The following UST variants were observed in gnomAD, a reference collection of about 807,000 sequenced individuals.
UST encodes chondroitin sulfate 2-O-sulfotransferase.
A neutral mutation model predicts 45.6 loss-of-function variants in UST; 21 were observed. The ratio of observed to expected loss-of-function variants is 0.46; its 90% CI spans 0.33 to 0.66. The LOEUF (loss-of-function observed/expected upper bound fraction) is 0.66, where lower values mean the gene tolerates loss of function less well. UST is among the 30% of genes least tolerant of loss of function. The probability of loss-of-function intolerance (pLI) is 0.02; values close to 1 mark genes in which losing one functional copy is unlikely to be tolerated. For synonymous variants in UST, 215 were observed against 200.6 expected, an observed-to-expected ratio of 1.07 and a Z score of -0.61; for missense variants, 463 against 512.4, an observed-to-expected ratio of 0.90 and a Z score of 0.93.
intron 7 of UST, among the ~76,000 whole-genome samples, chr6:149,038,133 C>G (rs1776262843): frequency 6.6e-6 from 1 of 152,042 alleles, no homozygotes; most frequent in African/African-American, 2.4e-5. Flanking sequence ...AGCGCTTTTA[C>G]AGTTAGCAAA....
intron 2 of UST, among the ~76,000 whole-genome samples, chr6:148,912,203 T>C (rs973140392): frequency 1.1e-4 from 17 of 151,134 alleles, no homozygotes; most frequent in Non-Finnish European, 2.5e-4. Context: ...TTTCAAAACA[T>C]AAAATAAAAT....
At chr6:148,879,110 G>GGATAAGC (rs1778777691) in intron 1 of UST, among the ~76,000 whole-genome samples, 1 of 152,092 alleles carries the variant, frequency 6.6e-6, no homozygotes, top group Non-Finnish European at 1.5e-5. Flanking sequence ...ATGGTTTAGG[G>GGATAAGC]GATAAGCTCT....
chr6:149,071,206 C>T (rs771835882), intron 7 of UST, among the ~76,000 whole-genome samples: 1 of 152,124 alleles, frequency 6.6e-6, no homozygotes, highest in Non-Finnish European at 1.5e-5. Flanking sequence ...TCCCCCACTA[C>T]CCTTCTTAGC....
chr6:148,935,464 T>C (rs1321306931), intron 2 of UST, among the ~76,000 whole-genome samples: 1 of 152,156 alleles, frequency 6.6e-6, no homozygotes, highest in African/African-American at 2.4e-5. Flanking sequence ...AATAGGAACA[T>C]TAAAGTAGAG....
intron 4 of UST, among the ~76,000 whole-genome samples, chr6:148,963,404 C>A (rs1349878171): frequency 6.6e-6 from 1 of 152,150 alleles, no homozygotes; most frequent in African/African-American, 2.4e-5. Context: ...CTCCTCAAGG[C>A]TACTGCTTTC....
At chr6:148,965,882 T>G (rs1780784319) in intron 5 of UST, among the ~76,000 whole-genome samples, 1 of 64,190 alleles carries the variant, frequency 1.6e-5, no homozygotes, top group Non-Finnish European at 3.8e-5. Flanking sequence ...TTCCCTTTTT[T>G]TTTTTTTTTT....
At chr6:148,946,835 A>AG (rs1780249667) in intron 3 of UST, among the ~76,000 whole-genome samples, 1 of 149,970 alleles carries the variant, frequency 6.7e-6, no homozygotes, top group African/African-American at 2.5e-5. Flanking sequence ...AAAAAAAAAA[A>AG]AAAAAAAGGT....
intron 3 of UST, among the ~76,000 whole-genome samples, chr6:148,946,677 G>T (rs1468439623): frequency 6.6e-6 from 1 of 150,726 alleles, no homozygotes; most frequent in Non-Finnish European, 1.5e-5. Context: ...AGCCGGGCGT[G>T]GTGGCGGGTG....
chr6:149,030,415 G>A (rs925464356), intron 7 of UST, among the ~76,000 whole-genome samples: 4 of 151,570 alleles, frequency 2.6e-5, no homozygotes, highest in African/African-American at 9.7e-5. Context: ...GCCAAGGCAG[G>A]AGGATCACTT....
At chr6:148,840,922 C>T (rs1028780149) in intron 1 of UST, among the ~76,000 whole-genome samples, 10 of 152,002 alleles carry the variant, frequency 6.6e-5, no homozygotes, top group Non-Finnish European at 1.3e-4. Context: ...GGGTGGTGGT[C>T]GCACAGCTTG....
intron 1 of UST, among the ~76,000 whole-genome samples, chr6:148,805,147 T>C (rs972279644): frequency 6.6e-6 from 1 of 152,218 alleles, no homozygotes; most frequent in Admixed American, 6.5e-5. Context: ...AGCTAAGGGC[T>C]TCACATTTTT....
At chr6:148,794,846 T>G (rs1305623606) in intron 1 of UST, among the ~76,000 whole-genome samples, 1 of 152,232 alleles carries the variant, frequency 6.6e-6, no homozygotes, top group Non-Finnish European at 1.5e-5. Context: ...TCCTTCTGTT[T>G]CTACCACACT....
intron 5 of UST, chr6:149,005,233 A>G (rs952671055): frequency 3.1e-6 from 3 of 958,576 alleles, no homozygotes; most frequent in African/African-American, 1.8e-5. Context: ...CACCTCCCCA[A>G]CAGACCCTCT....
At chr6:148,962,935 G>A (rs772712263) in intron 4 of UST, among the ~76,000 whole-genome samples, 10 of 152,360 alleles carry the variant, frequency 6.6e-5, no homozygotes, top group East Asian at 1.9e-4. Context: ...GGGAAGAAAC[G>A]TTAACAACTG....
At chr6:148,843,417 A>G (rs1777924215) in intron 1 of UST, among the ~76,000 whole-genome samples, 1 of 152,216 alleles carries the variant, frequency 6.6e-6, no homozygotes, top group Non-Finnish European at 1.5e-5. Flanking sequence ...ATATGATTGC[A>G]GTTTGAGCTT....
intron 7 of UST, among the ~76,000 whole-genome samples, chr6:149,034,509 C>CCA (rs1776200098): frequency 2.0e-5 from 3 of 150,714 alleles, no homozygotes; most frequent in Non-Finnish European, 3.0e-5. Flanking sequence ...TCTTTAAGCT[C>CCA]TATCCCAGCC....
chr6:148,914,448 G>C (rs1380263742), intron 2 of UST, among the ~76,000 whole-genome samples: 1 of 152,130 alleles, frequency 6.6e-6, no homozygotes, highest in Non-Finnish European at 1.5e-5. Flanking sequence ...ACCTCAGATG[G>C]TCAGGCATTA....
chr6:148,984,498 C>T (rs1456364619), intron 5 of UST, among the ~76,000 whole-genome samples: 1 of 152,220 alleles, frequency 6.6e-6, no homozygotes, highest in Non-Finnish European at 1.5e-5. Context: ...TCCTAGACAT[C>T]ATGACATGAT....
intron 2 of UST, among the ~76,000 whole-genome samples, chr6:148,918,513 G>A (rs116004152): frequency 0.013 from 1,997 of 152,244 alleles, 37 homozygotes; most frequent in African/African-American, 0.046. Context: ...TGCTTTTGAT[G>A]TAAATTTTAT....
Sources: gnomAD v4.1 joint callset for allele counts (sites outside exome capture counted in the v4.1 genomes callset) on GRCh38, gnomAD v4.1.1 for gene constraint, MANE v1.5 for transcripts, NCBI Gene and HGNC (gene_info 2026-07-23, HGNC 2026-07-21) for gene names.